The following GTF3C3 variants were observed in gnomAD, a reference collection of about 807,000 sequenced individuals.
The protein encoded by GTF3C3 is general transcription factor IIIC subunit 3.
In GTF3C3, 75 loss-of-function variants were observed where a neutral mutation model predicts 105.2. That is an observed-to-expected ratio of 0.71 (90% CI 0.59 to 0.86). The LOEUF (loss-of-function observed/expected upper bound fraction) is 0.86, where lower values mean the gene tolerates loss of function less well. Ranked by LOEUF, GTF3C3 falls within the 40% of genes least tolerant of loss-of-function variation. The pLI, the probability that GTF3C3 is intolerant of heterozygous loss-of-function variation, is 0.00. For synonymous variants in GTF3C3, 335 were observed against 370.4 expected, an observed-to-expected ratio of 0.90 and a Z score of 1.10; for missense variants, 856 against 1,076.5, an observed-to-expected ratio of 0.80 and a Z score of 2.87.
At chr2:196,777,188 C>G (rs926607835) in intron 10 of GTF3C3, among the ~76,000 whole-genome samples, 2 of 152,168 alleles carry the variant, frequency 1.3e-5, no homozygotes, top group African/African-American at 2.4e-5. Flanking sequence ...GCCCCATTCC[C>G]ACATGACACA....
At position 196,763,425 on chromosome 2, in the gene GTF3C3, A is replaced by AAAGTG. The variant is rs1699004528; in HGVS notation, c.*1137_*1138insCACTT. 2 of 152,230 alleles carry AAAGTG rather than the reference A, an allele frequency of 1.3e-5. No homozygotes were observed. Among genetic ancestry groups the AAAGTG allele is most frequent in the South Asian group, 4.1e-4 (2 of 4,824 alleles). The allele number at this position is 152,230 out of a possible 1,614,324, so 9.4% of individuals were successfully genotyped here. A position where few individuals can be genotyped will look rare whatever the true frequency, so the allele number is the denominator to read the frequency against. On this transcript the variant is annotated 3_prime_UTR_variant, in exon 18 of 18. Coordinates refer to ENST00000263956, the MANE Select transcript of GTF3C3 (RefSeq NM_012086.5). ...CTCTACCATTACCTATAAATGGCAT[A>AAAGTG]AAGTAAAAATTAAGCATGTGAAACA... is the stretch of plus-strand genomic sequence containing the variant.
chr2:196,772,886 T>C lies in GTF3C3; in HGVS notation c.2069+30A>G, dbSNP rs371031671. 11 of 1,096,498 alleles carry C rather than the reference T, an allele frequency of 1.0e-5. No homozygotes were observed. The African/African-American group carries it at 1.6e-4, about 16-fold the overall frequency. The allele number at this position is 1,096,498 out of a possible 1,614,324, so 67.9% of individuals were successfully genotyped here. A position where few individuals can be genotyped will look rare whatever the true frequency, so the allele number is the denominator to read the frequency against. On this transcript the variant is annotated intron_variant, in intron 14 of 17. Transcript: ENST00000263956. Reference sequence around the variant, plus strand: ...TACATGTACTTACTCTATTAAAGAATCTAATTAAAATAAATAACTGGGAAA... The same window carrying C: ...TACATGTACTTACTCTATTAAAGAACCTAATTAAAATAAATAACTGGGAAA...
intron 3 of GTF3C3, 69 bp from the exon 4 acceptor site, chr2:196,791,529 T>A: frequency 7.3e-7 from 1 of 1,362,996 alleles, no homozygotes; most frequent in Non-Finnish European, 1.0e-6. Context: ...CCAGCCATAT[T>A]AATAAATATA....
Position 196,773,603 on chromosome 2 carries a change from A to G in GTF3C3, c.1832-450T>C, listed in dbSNP as rs944311066. On this transcript the variant is annotated intron_variant, in intron 13 of 17. Transcript: ENST00000263956. ...TTTCAGGATAATTCAAGCACATTACATTTATTGTGCACTTTATTTCCATTA... is the reference window on the plus strand; with the variant it reads ...TTTCAGGATAATTCAAGCACATTACGTTTATTGTGCACTTTATTTCCATTA... 25 of 395,986 alleles carry G rather than the reference A, an allele frequency of 6.3e-5. 1 individual carries two copies. The highest frequency in any genetic ancestry group is 4.9e-4 in the African/African-American group (24 of 49,082). 24.5% of individuals were successfully genotyped at this position (395,986 alleles called of 1,614,324 possible).
intron 6 of GTF3C3, 30 bp downstream of exon 6, chr2:196,789,174 G>T: frequency 6.5e-7 from 1 of 1,536,212 alleles, no homozygotes; most frequent in Non-Finnish European, 8.8e-7. Flanking sequence ...ATTAACAGGA[G>T]CAAGTAGATC....
intron 2 of GTF3C3, among the ~76,000 whole-genome samples, chr2:196,796,245 G>C (rs1308352272): frequency 1.3e-5 from 2 of 152,202 alleles, no homozygotes; most frequent in Non-Finnish European, 1.5e-5. Context: ...AAGGATGTAT[G>C]ACATTATCTG....
At chr2:196,781,342 G>GAAAAAAAAA (rs769914255) in intron 8 of GTF3C3, among the ~76,000 whole-genome samples, 20 of 31,450 alleles carry the variant, frequency 6.4e-4, no homozygotes, top group African/African-American at 2.4e-3. Flanking sequence ...ATGTTAAGGG[G>GAAAAAAAAA]AAAAAAAAAA....
chr2:196,789,731 G>T, intron 5 of GTF3C3, 148 bp downstream of exon 5: 1 of 569,828 alleles, frequency 1.8e-6, no homozygotes, highest in Non-Finnish European at 3.0e-6. Flanking sequence ...GAGAACAGAG[G>T]AACCCCAAAT....
At position 196,799,527 on chromosome 2, in the gene GTF3C3, T is replaced by G. The variant is rs769113941; in HGVS notation, c.85A>C (p.Lys29Gln). The G allele has an allele frequency of 1.1e-5, 18 of 1,613,924 alleles. No individual in the cohort carries two copies. Among genetic ancestry groups the G allele is most frequent in the Non-Finnish European group, 1.5e-5 (18 of 1,179,916 alleles). ...CGCCTCACTTTCTTCTCGCGGGTTT[T>G]TCTCTCTTCTCTCCGCCGTTCGAAC... ...EEFERRREERKTREKKSLQEK... is the reference protein window; with the variant it reads ...EEFERRREERQTREKKSLQEK... Residue 29 changes from lysine (K) to glutamine (Q), a missense_variant, in exon 1 of 18, where the codon AAA becomes CAA. Transcript: ENST00000263956.
chr2:196,769,337 T>G (rs149211521), intron 16 of GTF3C3, among the ~76,000 whole-genome samples: 3 of 152,316 alleles, frequency 2.0e-5, no homozygotes, highest in African/African-American at 7.2e-5. Flanking sequence ...TATCATATTT[T>G]GGAAACATCA....
At chr2:196,787,955 A>G (rs1699480976) in intron 6 of GTF3C3, among the ~76,000 whole-genome samples, 1 of 152,166 alleles carries the variant, frequency 6.6e-6, no homozygotes, top group African/African-American at 2.4e-5. Flanking sequence ...CAGAACTGAC[A>G]ATCATCACTC....
intron 2 of GTF3C3, among the ~76,000 whole-genome samples, chr2:196,796,241 G>A (rs1369280040): frequency 6.6e-6 from 1 of 152,166 alleles, no homozygotes; most frequent in East Asian, 1.9e-4. Flanking sequence ...TTAAAAGGAT[G>A]TATGACATTA....
At chr2:196,780,824 T>G in intron 8 of GTF3C3, 162 bp from the exon 9 acceptor site, 1 of 790,090 alleles carries the variant, frequency 1.3e-6, no homozygotes, top group Non-Finnish European at 1.8e-6. Flanking sequence ...CAGTCTGTCC[T>G]TTGGTAGCAA....
intron 15 of GTF3C3, among the ~76,000 whole-genome samples, chr2:196,771,225 G>T (rs1269660337): frequency 6.6e-6 from 1 of 152,000 alleles, no homozygotes; most frequent in Non-Finnish European, 1.5e-5. Flanking sequence ...AGTTTAATTA[G>T]AATTAGTAAC....
chr2:196,768,501 G>T (rs976448304), intron 16 of GTF3C3, among the ~76,000 whole-genome samples: 1 of 151,984 alleles, frequency 6.6e-6, no homozygotes. Flanking sequence ...AGGTAAGAAA[G>T]ATAATAAACC....
chr2:196,776,641 T>A lies in GTF3C3; in HGVS notation c.1391-12A>T, dbSNP rs752785119. On this transcript the variant is annotated splice_polypyrimidine_tract_variant and intron_variant, in intron 10 of 17. Transcript: ENST00000263956. This position sits in a 1 kb window ranked among gnomAD's most constrained non-coding sequence, Gnocchi z 4.5. ...GGCCTTTAAACATTCTAAGATGATG[T>A]TAAAATAAAGCAAAAGTATGAACTA... The A allele has an allele frequency of 1.3e-6, 2 of 1,588,528 alleles. No homozygotes were observed. Among genetic ancestry groups the A allele is most frequent in the African/African-American group, 1.3e-5 (1 of 74,428 alleles).
At chr2:196,774,733 T>C (rs906981969) in intron 13 of GTF3C3, among the ~76,000 whole-genome samples, 2 of 152,240 alleles carry the variant, frequency 1.3e-5, no homozygotes, top group African/African-American at 2.4e-5. Flanking sequence ...AGAGTTTCTA[T>C]GACTATTGCT....
At position 196,799,540 on chromosome 2, in the gene GTF3C3, C is replaced by T; in HGVS notation, c.72G>A (p.Arg24=). The T allele has an allele frequency of 3.7e-6, 6 of 1,614,134 alleles. No homozygotes were observed. The highest frequency in any genetic ancestry group is 5.1e-6 in the Non-Finnish European group (6 of 1,179,988). The change falls in exon 1 of 18, where the codon CGG becomes CGA. Residue 24 remains arginine (R), a synonymous_variant. Transcript: ENST00000263956. ...GKISFEEFER[R]REERKTREKK... Reference sequence around the variant, plus strand: ...TCTCGCGGGTTTTTCTCTCTTCTCTCCGCCGTTCGAACTCCTCAAAGGAGA... The same window carrying T: ...TCTCGCGGGTTTTTCTCTCTTCTCTTCGCCGTTCGAACTCCTCAAAGGAGA...
chr2:196,794,101 G>A (rs1294205886), intron 2 of GTF3C3, among the ~76,000 whole-genome samples: 1 of 152,044 alleles, frequency 6.6e-6, no homozygotes, highest in Non-Finnish European at 1.5e-5. Context: ...AGTGGGACTG[G>A]TGGCTTTACA....
Sources: gnomAD v4.1 joint callset for allele counts (sites outside exome capture counted in the v4.1 genomes callset) on GRCh38, gnomAD v4.1.1 for gene constraint, Gnocchi (gnomAD v3.1) non-coding constraint, MANE v1.5 for transcripts, NCBI Gene and HGNC (gene_info 2026-07-23, HGNC 2026-07-21) for gene names.